The following SHROOM3 variants were observed in gnomAD, a reference collection of about 807,000 sequenced individuals.
SHROOM3 encodes protein Shroom3.
SHROOM3 carries 47 observed loss-of-function variants against 138.6 expected under a neutral mutation model. The ratio of observed to expected loss-of-function variants is 0.34; its 90% CI spans 0.27 to 0.43. The LOEUF (loss-of-function observed/expected upper bound fraction) is 0.43, where lower values mean the gene tolerates loss of function less well. Ranked by LOEUF, SHROOM3 falls within the 20% of genes least tolerant of loss-of-function variation. The probability of loss-of-function intolerance (pLI) is 1.00; values close to 1 mark genes in which losing one functional copy is unlikely to be tolerated. For missense variants in SHROOM3, 2,491 were observed against 2,596.5 expected (o/e 0.96, Z 0.88); for synonymous variants, 1,062 against 1,063.3 (o/e 1.00, Z 0.02).
intron 1 of SHROOM3, among the ~76,000 whole-genome samples, chr4:76,469,604 A>C (rs1302603661): frequency 2.6e-5 from 4 of 152,064 alleles, no homozygotes; most frequent in Admixed American, 6.6e-5. Flanking sequence ...CGTCAGGTGC[A>C]TGCTGCCACA....
intron 2 of SHROOM3, among the ~76,000 whole-genome samples, chr4:76,634,465 T>C (rs1431241664): frequency 6.6e-6 from 1 of 152,216 alleles, no homozygotes; most frequent in East Asian, 1.9e-4. Context: ...GTAGAGGGCA[T>C]GCCTGTGAAA....
intron 1 of SHROOM3, among the ~76,000 whole-genome samples, chr4:76,506,315 C>T (rs576922407): frequency 5.0e-4 from 76 of 152,066 alleles, no homozygotes; most frequent in Non-Finnish European, 5.6e-4. Context: ...CACCATAGCA[C>T]GTGCATACCT....
rs138531971 is a variant in SHROOM3 at position 76,537,602 on chromosome 4, A to C, written c.169-18007A>C. Among the ~76,000 whole-genome samples, 18 of 152,254 alleles carry C rather than the reference A, an allele frequency of 1.2e-4. No individual in the cohort carries two copies. The East Asian group carries it at 3.5e-3, about 29-fold the overall frequency. ...GAGTAGGTCAGTAGCAGTGTAGGTC[A>C]TGAGAAGTCATTAGAAAAGGTAGAG... On this transcript the variant is annotated intron_variant, in intron 1 of 10. Transcript: ENST00000296043.
chr4:76,753,899 G>A (rs1252250872), intron 6 of SHROOM3, among the ~76,000 whole-genome samples: 1 of 152,220 alleles, frequency 6.6e-6, no homozygotes. Flanking sequence ...TGGGAGAGAA[G>A]AAGGCAGCAT....
intron 9 of SHROOM3, among the ~76,000 whole-genome samples, chr4:76,761,167 T>A (rs1721977125): frequency 6.6e-6 from 1 of 152,020 alleles, no homozygotes; most frequent in African/African-American, 2.4e-5. Flanking sequence ...GGTAGTTTTT[T>A]AACCTTTGTC....
chr4:76,692,950 C>G (rs924388111), intron 2 of SHROOM3, among the ~76,000 whole-genome samples: 3 of 152,324 alleles, frequency 2.0e-5, no homozygotes, highest in Middle Eastern at 3.4e-3. Flanking sequence ...ACCCATCGAA[C>G]TGAACACCTA....
intron 2 of SHROOM3, among the ~76,000 whole-genome samples, chr4:76,567,495 A>G (rs1191495093): frequency 6.6e-6 from 1 of 152,134 alleles, no homozygotes; most frequent in Non-Finnish European, 1.5e-5. Flanking sequence ...TTAAAAATAC[A>G]AAAAATTAGC....
At chr4:76,536,022 G>T in intron 1 of SHROOM3, among the ~76,000 whole-genome samples, 1 of 152,214 alleles carries the variant, frequency 6.6e-6, no homozygotes, top group East Asian at 1.9e-4. Context: ...GCTTTCTCAG[G>T]CATCTGAGCG....
intron 3 of SHROOM3, among the ~76,000 whole-genome samples, chr4:76,728,008 C>A (rs1720761148): frequency 6.6e-6 from 1 of 151,134 alleles, no homozygotes; most frequent in Non-Finnish European, 1.5e-5. Context: ...AAAAGAAATG[C>A]AAGAAAAATA....
intron 6 of SHROOM3, among the ~76,000 whole-genome samples, chr4:76,753,213 A>G (rs1721689221): frequency 6.6e-6 from 1 of 152,238 alleles, no homozygotes; most frequent in African/African-American, 2.4e-5. Flanking sequence ...GTTGCATCAG[A>G]GAGAGAGGTG....
In SHROOM3 at chr4:76,580,536, T is replaced by G. The variant is rs1021015672; in HGVS notation, c.323+24773T>G. On this transcript the variant is annotated intron_variant, in intron 2 of 10. Transcript: ENST00000296043. The stretch of plus-strand genomic sequence containing the variant: ...GGCGTGATCTTGGCTCACTGCAGCT[T>G]CTGCCTCAGCCTCCCGAGTAGCTGG... 1.3e-5 allele frequency among the ~76,000 whole-genome samples: 2 copies of G among 150,750 alleles called. 1 individual carries two copies. Among genetic ancestry groups the G allele is most frequent in the Non-Finnish European group, 3.0e-5 (2 of 67,742 alleles).
chr4:76,436,151 G>A lies in SHROOM3; in HGVS notation c.99G>A (p.Glu33=), dbSNP rs1007458976. The change falls in exon 1 of 11, where the codon GAG becomes GAA. Residue 33 remains glutamate (E), a synonymous_variant. Coordinates refer to ENST00000296043, the MANE Select transcript of SHROOM3 (RefSeq NM_020859.4). The stretch of plus-strand genomic sequence containing the variant: ...ACATTTATCTGGAGGCATTCCTGGA[G>A]GGAGGAGCTCCCTGGGGTTTTACTC... ...GRYIYLEAFL[E]GGAPWGFTLK... 1.9e-6 allele frequency: 3 copies of A among 1,613,998 alleles called. No individual in the cohort carries two copies. The highest frequency in any genetic ancestry group is 2.5e-6 in the Non-Finnish European group (3 of 1,179,968).
intron 2 of SHROOM3, among the ~76,000 whole-genome samples, chr4:76,582,661 A>C (rs1734075054): frequency 6.6e-6 from 1 of 152,204 alleles, no homozygotes; most frequent in South Asian, 2.1e-4. Context: ...TGAGAGAAAA[A>C]AATGAAAGCA....
chr4:76,733,738 A>G (rs1316213931), intron 4 of SHROOM3, among the ~76,000 whole-genome samples: 19 of 152,128 alleles, frequency 1.2e-4, no homozygotes, highest in Admixed American at 1.2e-3. Context: ...CCAGAAACCA[A>G]TCTCAGTCCT....
chr4:76,458,272 A>G (rs1731073122), intron 1 of SHROOM3, among the ~76,000 whole-genome samples: 1 of 152,208 alleles, frequency 6.6e-6, no homozygotes, highest in Non-Finnish European at 1.5e-5. Context: ...TTACATGTTT[A>G]AATATTTATT....
intron 2 of SHROOM3, among the ~76,000 whole-genome samples, chr4:76,588,295 A>G (rs568569920): frequency 3.3e-5 from 5 of 152,318 alleles, no homozygotes; most frequent in African/African-American, 1.2e-4. Context: ...CAATATCATT[A>G]GAGAGTTAGA....
chr4:76,575,566 T>C (rs1208814230), intron 2 of SHROOM3: 2 of 152,154 alleles, frequency 1.3e-5, no homozygotes, highest in African/African-American at 2.4e-5. Context: ...GGTGCAAAAG[T>C]GATTGCAGTG....
rs1472555202 is a variant in SHROOM3, at chr4:76,739,331, A to G, written c.1158A>G (p.Pro386=). Residue 386 remains proline, a synonymous_variant, in exon 5 of 11, where the codon CCA becomes CCG. Coordinates refer to ENST00000296043, the MANE Select transcript of SHROOM3 (RefSeq NM_020859.4). ...CTAAGGTGGGTGCACCCCTGCCTCCAGCTCGGAGTGACAGTTACGCAGCAT... is the reference window on the plus strand; with the variant it reads ...CTAAGGTGGGTGCACCCCTGCCTCCGGCTCGGAGTGACAGTTACGCAGCAT... ...LPPKVGAPLP[P]ARSDSYAAFR... 9.3e-6 allele frequency: 15 copies of G among 1,613,998 alleles called. No individual in the cohort carries two copies. The highest frequency in any genetic ancestry group is 1.2e-5 in the Non-Finnish European group (14 of 1,179,940).
intron 2 of SHROOM3, 82 bp downstream of exon 2, chr4:76,555,845 G>A: frequency 6.6e-7 from 1 of 1,504,226 alleles, no homozygotes; most frequent in Admixed American, 1.9e-5. Context: ...TGGGAAAAGA[G>A]CTCGGGGTTG....
Sources: allele counts gnomAD v4.1 joint callset (sites outside exome capture counted in the v4.1 genomes callset), GRCh38; gene constraint gnomAD v4.1.1; transcripts MANE v1.5; gene names NCBI Gene and HGNC (gene_info 2026-07-23, HGNC 2026-07-21).